The following KIAA0825 variants were observed in gnomAD, a reference collection of about 807,000 sequenced individuals.
KIAA0825 encodes uncharacterized protein KIAA0825.
KIAA0825 carries 119 observed loss-of-function variants against 147.6 expected under a neutral mutation model. That is an observed-to-expected ratio of 0.81 (90% confidence interval 0.69 to 0.94). The LOEUF (loss-of-function observed/expected upper bound fraction) is 0.94, where lower values mean the gene tolerates loss of function less well. Among genes scored for constraint, KIAA0825 ranks in the 40% least tolerant of loss-of-function variants. The probability of loss-of-function intolerance (pLI) is 0.00; values close to 1 mark genes in which losing one functional copy is unlikely to be tolerated. For synonymous variants in KIAA0825, 470 were observed against 518.1 expected, an observed-to-expected ratio of 0.91 and a Z score of 1.26; for missense variants, 1,381 against 1,472.7, an observed-to-expected ratio of 0.94 and a Z score of 1.02.
intron 13 of KIAA0825, among the ~76,000 whole-genome samples, chr5:94,446,699 G>C (rs570551566): frequency 1.1e-4 from 17 of 152,314 alleles, no homozygotes; most frequent in African/African-American, 3.6e-4. Context: ...GCCTATGCTA[G>C]TTTTTTGTAC....
intron 20 of KIAA0825, among the ~76,000 whole-genome samples, chr5:94,205,244 C>T (rs181429827): frequency 6.7e-4 from 86 of 128,034 alleles, no homozygotes; most frequent in Non-Finnish European, 1.0e-3. Context: ...TAACATTTAA[C>T]TATGATTTCT....
intron 20 of KIAA0825, among the ~76,000 whole-genome samples, chr5:94,236,944 G>C (rs138049004): frequency 2.0e-5 from 3 of 152,088 alleles, no homozygotes. Flanking sequence ...ATGTGCACTG[G>C]AAAAACTTTG....
At chr5:94,529,721 T>C (rs895848946) in intron 3 of KIAA0825, among the ~76,000 whole-genome samples, 6 of 152,228 alleles carry the variant, frequency 3.9e-5, no homozygotes, top group African/African-American at 1.2e-4. Context: ...TGTGTTACTT[T>C]TATAATGCAA....
intron 20 of KIAA0825, among the ~76,000 whole-genome samples, chr5:94,180,620 G>T (rs983956411): frequency 6.6e-6 from 1 of 152,092 alleles, no homozygotes; most frequent in Non-Finnish European, 1.5e-5. Flanking sequence ...AAATGCTATA[G>T]ATATGAAACC....
chr5:94,444,253 T>A (rs2150864848), intron 13 of KIAA0825, among the ~76,000 whole-genome samples: 1 of 152,218 alleles, frequency 6.6e-6, no homozygotes, highest in African/African-American at 2.4e-5. Flanking sequence ...GGGGACCATT[T>A]AGGATCCCAC....
At chr5:94,439,544 T>C (rs1756801246) in intron 14 of KIAA0825, among the ~76,000 whole-genome samples, 1 of 142,026 alleles carries the variant, frequency 7.0e-6, no homozygotes, top group Non-Finnish European at 1.6e-5. Flanking sequence ...CTTGCTTGTT[T>C]GTAAGTTGCA....
intron 1 of KIAA0825, among the ~76,000 whole-genome samples, chr5:94,589,551 T>A (rs1783964374): frequency 6.6e-6 from 1 of 152,220 alleles, no homozygotes; most frequent in Non-Finnish European, 1.5e-5. Flanking sequence ...TGTATATAAT[T>A]TCACTTATTG....
chr5:94,227,580 A>G (rs1774313952), intron 20 of KIAA0825, among the ~76,000 whole-genome samples: 1 of 151,712 alleles, frequency 6.6e-6, no homozygotes, highest in Non-Finnish European at 1.5e-5. Context: ...GAAAATGTAC[A>G]GTCAGGAAAA....
chr5:94,599,806 C>T (rs868829759), intron 1 of KIAA0825, among the ~76,000 whole-genome samples: 3 of 152,028 alleles, frequency 2.0e-5, no homozygotes, highest in Non-Finnish European at 2.9e-5. Flanking sequence ...CATTCTCTGC[C>T]CCAGTAAGAC....
intron 20 of KIAA0825, among the ~76,000 whole-genome samples, chr5:94,359,167 T>A (rs2150396360): frequency 6.6e-6 from 1 of 152,322 alleles, no homozygotes; most frequent in South Asian, 2.1e-4. Context: ...TGGCTGCAAA[T>A]TTTAATCACA....
chr5:94,170,293 C>T (rs1768496908), intron 20 of KIAA0825, among the ~76,000 whole-genome samples: 1 of 151,920 alleles, frequency 6.6e-6, no homozygotes, highest in Non-Finnish European at 1.5e-5. Context: ...AGCAAGACTC[C>T]ATCTCAAAAA....
intron 10 of KIAA0825, among the ~76,000 whole-genome samples, chr5:94,467,399 C>T (rs1294489267): frequency 2.6e-5 from 4 of 152,170 alleles, no homozygotes; most frequent in Non-Finnish European, 5.9e-5. Flanking sequence ...TATCAGGAAA[C>T]AAGCAGCTGG....
intron 3 of KIAA0825, among the ~76,000 whole-genome samples, chr5:94,525,935 C>T (rs1311147735): frequency 6.6e-6 from 1 of 151,970 alleles, no homozygotes; most frequent in African/African-American, 2.4e-5. Context: ...CAAACTAAGA[C>T]AGATAAACTT....
At chr5:94,552,871 A>C (rs1283513144) in intron 2 of KIAA0825, among the ~76,000 whole-genome samples, 1 of 152,224 alleles carries the variant, frequency 6.6e-6, no homozygotes, top group Non-Finnish European at 1.5e-5. Flanking sequence ...TGAGAAAGGT[A>C]AGGGGTAAAG....
chr5:94,290,850 A>G (rs1381356330), intron 20 of KIAA0825, among the ~76,000 whole-genome samples: 1 of 152,080 alleles, frequency 6.6e-6, no homozygotes, highest in Non-Finnish European at 1.5e-5. Flanking sequence ...ATGGTATTCA[A>G]TGTGGTTTTG....
intron 20 of KIAA0825, among the ~76,000 whole-genome samples, chr5:94,343,925 C>T (rs533553567): frequency 6.6e-6 from 1 of 152,282 alleles, no homozygotes; most frequent in African/African-American, 2.4e-5. Context: ...AAATGTTCCA[C>T]ATCATCAGTA....
At chr5:94,597,569 A>G (rs1210982668) in intron 1 of KIAA0825, among the ~76,000 whole-genome samples, 1 of 152,212 alleles carries the variant, frequency 6.6e-6, no homozygotes, top group Non-Finnish European at 1.5e-5. Flanking sequence ...AACCTTTCCA[A>G]GACATTCTAC....
chr5:94,471,083 C>G (rs1761154252), intron 9 of KIAA0825, among the ~76,000 whole-genome samples: 1 of 152,142 alleles, frequency 6.6e-6, no homozygotes, highest in African/African-American at 2.4e-5. Flanking sequence ...CATTTATTTT[C>G]TAAGTCCGCT....
chr5:94,402,199 A>C (rs1291310028), intron 16 of KIAA0825, among the ~76,000 whole-genome samples: 1 of 152,282 alleles, frequency 6.6e-6, no homozygotes, highest in South Asian at 2.1e-4. Flanking sequence ...ATAAGTAAGC[A>C]TTTTTTGAAA....
Sources: gnomAD v4.1 joint callset for allele counts (sites outside exome capture counted in the v4.1 genomes callset) on GRCh38, gnomAD v4.1.1 for gene constraint, MANE v1.5 for transcripts, NCBI Gene and HGNC (gene_info 2026-07-23, HGNC 2026-07-21) for gene names.